Variants in MAP4K3 observed in about 807,000 individuals in gnomAD.
MAP4K3 encodes the protein MAPK/ERK kinase kinase kinase 3.
Under a neutral mutation model 143.5 loss-of-function variants are expected in MAP4K3, and 94 were observed. That is an observed-to-expected ratio of 0.65 (90% CI 0.55 to 0.78). MAP4K3 has a LOEUF of 0.78. Ranked by LOEUF, MAP4K3 falls within the 30% of genes least tolerant of loss-of-function variation. MAP4K3 has a pLI of 0.00. For missense variants in MAP4K3, 1,077 were observed against 1,068.1 expected (o/e 1.01, Z -0.12); for synonymous variants, 416 against 347.2 (o/e 1.20, Z -2.20).
chr2:39,310,806 G>T (rs1053791791), intron 13 of MAP4K3, among the ~76,000 whole-genome samples: 1 of 152,008 alleles, frequency 6.6e-6, no homozygotes, highest in Non-Finnish European at 1.5e-5. Context: ...ATATCTCATT[G>T]GGGTTTTTCT....
intron 1 of MAP4K3, among the ~76,000 whole-genome samples, chr2:39,387,779 A>C (rs1355149753): frequency 6.6e-6 from 1 of 152,248 alleles, no homozygotes; most frequent in Non-Finnish European, 1.5e-5. Context: ...TCCGTGTATC[A>C]TGTATCTTTA....
At chr2:39,252,632 T>C (rs2148429449) in intron 32 of MAP4K3, among the ~76,000 whole-genome samples, 1 of 152,340 alleles carries the variant, frequency 6.6e-6, no homozygotes, top group Admixed American at 6.5e-5. Context: ...ATTCACAGCT[T>C]ACTGAACACA....
At chr2:39,426,020 A>AATTTACTT (rs1665067021) in intron 1 of MAP4K3, among the ~76,000 whole-genome samples, 1 of 152,128 alleles carries the variant, frequency 6.6e-6, no homozygotes, top group Non-Finnish European at 1.5e-5. Flanking sequence ...ATCTCCCCAT[A>AATTTACTT]ATTTACTTAT....
chr2:39,431,210 C>CT (rs1450904565), intron 1 of MAP4K3, among the ~76,000 whole-genome samples: 1 of 152,202 alleles, frequency 6.6e-6, no homozygotes, highest in Non-Finnish European at 1.5e-5. Flanking sequence ...GGCCCCTTCA[C>CT]TTGCATGGTC....
intron 16 of MAP4K3, among the ~76,000 whole-genome samples, chr2:39,299,184 C>A (rs950526917): frequency 2.0e-5 from 3 of 152,064 alleles, no homozygotes; most frequent in African/African-American, 7.2e-5. Context: ...TGTTTGTAAG[C>A]TGCCTTTTAA....
At chr2:39,356,064 C>A (rs534443796) in intron 3 of MAP4K3, 185 bp downstream of exon 3, 2 of 480,752 alleles carry the variant, frequency 4.2e-6, no homozygotes, top group Non-Finnish European at 3.7e-6. Flanking sequence ...CCAAGTCATA[C>A]GACTGCAATA....
chr2:39,425,118 C>T (rs893504200), intron 1 of MAP4K3, among the ~76,000 whole-genome samples: 1 of 152,028 alleles, frequency 6.6e-6, no homozygotes, highest in African/African-American at 2.4e-5. Context: ...CCACCACCCC[C>T]CCAGCCCCTC....
intron 21 of MAP4K3, among the ~76,000 whole-genome samples, chr2:39,284,946 A>G (rs1193702199): frequency 6.6e-6 from 1 of 152,018 alleles, no homozygotes; most frequent in Non-Finnish European, 1.5e-5. Context: ...GCTGGAGTGC[A>G]GTGGCAGGCA....
chr2:39,425,853 G>C (rs1191618895), intron 1 of MAP4K3, among the ~76,000 whole-genome samples: 1 of 152,170 alleles, frequency 6.6e-6, no homozygotes, highest in Non-Finnish European at 1.5e-5. Flanking sequence ...GTTCTTCACA[G>C]TAGAATGTCA....
intron 13 of MAP4K3, among the ~76,000 whole-genome samples, chr2:39,314,556 T>G (rs564764928): frequency 3.3e-5 from 5 of 152,192 alleles, no homozygotes; most frequent in Non-Finnish European, 7.4e-5. Context: ...ATCCCACTCC[T>G]GAGCTTTTTA....
chr2:39,260,951 C>T (rs527785851), intron 28 of MAP4K3, 174 bp from the exon 29 acceptor site: 2 of 538,216 alleles, frequency 3.7e-6, no homozygotes, highest in African/African-American at 1.9e-5. Context: ...AGGTTTACCA[C>T]CGCAAAATAT....
chr2:39,425,229 A>G (rs1217604601), intron 1 of MAP4K3, among the ~76,000 whole-genome samples: 1 of 152,138 alleles, frequency 6.6e-6, no homozygotes, highest in African/African-American at 2.4e-5. Flanking sequence ...GCATAAAACA[A>G]AGCAACAAAC....
intron 1 of MAP4K3, among the ~76,000 whole-genome samples, chr2:39,386,224 A>G (rs1240820602): frequency 1.3e-5 from 2 of 152,196 alleles, no homozygotes; most frequent in Admixed American, 1.3e-4. Flanking sequence ...ACCAAGAAGG[A>G]GGCCATCTGC....
chr2:39,430,128 T>C (rs1182286612), intron 1 of MAP4K3, among the ~76,000 whole-genome samples: 2 of 152,212 alleles, frequency 1.3e-5, no homozygotes, highest in African/African-American at 4.8e-5. Context: ...AGAGGTTTAA[T>C]TGACTCACAG....
chr2:39,371,821 ATATG>A (rs1666088585), intron 2 of MAP4K3, among the ~76,000 whole-genome samples: 1 of 151,398 alleles, frequency 6.6e-6, no homozygotes, highest in Admixed American at 6.6e-5. Flanking sequence ...CTATATATAT[ATATG>A]TATATATATA....
chr2:39,390,998 T>C (rs986314390), intron 1 of MAP4K3, among the ~76,000 whole-genome samples: 3 of 152,066 alleles, frequency 2.0e-5, no homozygotes, highest in Admixed American at 1.3e-4. Context: ...AGCAGAATAG[T>C]ACTTCTGAAA....
At chr2:39,329,360 T>C (rs1272785927) in intron 8 of MAP4K3, among the ~76,000 whole-genome samples, 1 of 152,080 alleles carries the variant, frequency 6.6e-6, no homozygotes, top group Non-Finnish European at 1.5e-5. Flanking sequence ...CTTTGAAAAG[T>C]CCAGCAGACA....
intron 32 of MAP4K3, among the ~76,000 whole-genome samples, chr2:39,252,975 A>G (rs933805638): frequency 1.3e-5 from 2 of 152,030 alleles, no homozygotes; most frequent in African/African-American, 4.8e-5. Context: ...TTTTCCTTTT[A>G]GTTTTTAAAC....
chr2:39,420,217 C>T (rs916631740), intron 1 of MAP4K3, among the ~76,000 whole-genome samples: 1 of 152,220 alleles, frequency 6.6e-6, no homozygotes, highest in East Asian at 1.9e-4. Context: ...TCTTTCACTA[C>T]TCTTATTTAC....
Sources: gnomAD v4.1 joint callset for allele counts (sites outside exome capture counted in the v4.1 genomes callset) on GRCh38, gnomAD v4.1.1 for gene constraint, MANE v1.5 for transcripts, NCBI Gene and HGNC (gene_info 2026-07-23, HGNC 2026-07-21) for gene names.